Variants in CREB5 observed in about 807,000 individuals in gnomAD.
CREB5 encodes the protein cAMP responsive element binding protein 5, also known as cyclic AMP-responsive element-binding protein 5.
Under a neutral mutation model 57.1 loss-of-function variants are expected in CREB5, and 19 were observed. The observed-to-expected ratio is 0.33, with a 90% CI of 0.23 to 0.49. The LOEUF (loss-of-function observed/expected upper bound fraction) is 0.49. Ranked by LOEUF, CREB5 falls within the 20% of genes least tolerant of loss-of-function variation. The probability of loss-of-function intolerance (pLI) is 0.99; values close to 1 mark genes in which losing one functional copy is unlikely to be tolerated. For missense variants in CREB5, 579 were observed against 671.6 expected (o/e 0.86, Z 1.52); for synonymous variants, 238 against 238.3 (o/e 1.00, Z 0.01).
intron 7 of CREB5, among the ~76,000 whole-genome samples, chr7:28,732,524 G>A (rs1803706243): frequency 6.6e-6 from 1 of 151,894 alleles, no homozygotes; most frequent in Non-Finnish European, 1.5e-5. Context: ...AACATTGTGC[G>A]AATAAGTTCA....
chr7:28,573,349 C>G (rs1279906751), intron 5 of CREB5, among the ~76,000 whole-genome samples: 7 of 152,140 alleles, frequency 4.6e-5, no homozygotes, highest in Non-Finnish European at 1.0e-4. Flanking sequence ...ATTTAAGTGT[C>G]AAAATCTGGC....
intron 5 of CREB5, among the ~76,000 whole-genome samples, chr7:28,616,802 A>G (rs1270895105): frequency 2.6e-5 from 4 of 152,252 alleles, no homozygotes; most frequent in Non-Finnish European, 5.9e-5. Context: ...AAACAAGTCC[A>G]TGTTAGGAAA....
chr7:28,680,778 A>G (rs1228545738), intron 5 of CREB5, among the ~76,000 whole-genome samples: 1 of 151,714 alleles, frequency 6.6e-6, no homozygotes. Context: ...CAAAAAAAAA[A>G]AAAAAAAATT....
chr7:28,768,642 G>C (rs1352163954), intron 7 of CREB5, among the ~76,000 whole-genome samples: 1 of 152,166 alleles, frequency 6.6e-6, no homozygotes, highest in African/African-American at 2.4e-5. Flanking sequence ...GAGGGAAGAA[G>C]AATTCTTGCA....
At chr7:28,700,740 G>C (rs1257423151) in intron 5 of CREB5, among the ~76,000 whole-genome samples, 1 of 151,978 alleles carries the variant, frequency 6.6e-6, no homozygotes, top group Non-Finnish European at 1.5e-5. Context: ...TATCTTGATG[G>C]CCTTATTTAT....
intron 5 of CREB5, among the ~76,000 whole-genome samples, chr7:28,698,131 G>A (rs1801666195): frequency 6.6e-6 from 1 of 152,080 alleles, no homozygotes. Context: ...AAAGTGCTTG[G>A]CAAGATGGAT....
Position 28,791,195 on chromosome 7 carries a change from A to C in CREB5, c.703-13004A>C, listed in dbSNP as rs536781676. Among the ~76,000 whole-genome samples, 5 of 152,338 alleles carry C rather than the reference A, an allele frequency of 3.3e-5. No homozygotes were observed. The South Asian group carries it at 1.0e-3, about 32-fold the overall frequency. ...GAATTGAGCTTCTTTTGAGTTTGGA[A>C]TACTTTGACTCAATCTTGTATTCAC... On this transcript the variant is annotated intron_variant, in intron 7 of 10. Coordinates refer to ENST00000357727, the MANE Select transcript of CREB5 (RefSeq NM_182898.4).
chr7:28,541,016 C>T (rs527407201), intron 4 of CREB5, among the ~76,000 whole-genome samples: 4 of 152,270 alleles, frequency 2.6e-5, no homozygotes, highest in South Asian at 2.1e-4. Flanking sequence ...CAACATCAGA[C>T]GTATTTCCAA....
At chr7:28,544,348 G>A (rs904274603) in intron 4 of CREB5, among the ~76,000 whole-genome samples, 1 of 152,126 alleles carries the variant, frequency 6.6e-6, no homozygotes. Flanking sequence ...ATGAATTGCC[G>A]AATTTGGAAG....
chr7:28,607,902 C>T (rs1481462039), intron 5 of CREB5, among the ~76,000 whole-genome samples: 1 of 151,912 alleles, frequency 6.6e-6, no homozygotes, highest in East Asian at 1.9e-4. Flanking sequence ...TTCTCTTCCT[C>T]CCTCTGGCTT....
intron 5 of CREB5, among the ~76,000 whole-genome samples, chr7:28,635,872 A>G (rs560337685): frequency 7.2e-4 from 110 of 152,352 alleles, no homozygotes; most frequent in African/African-American, 2.5e-3. Context: ...CTGACAATTC[A>G]GAATTGCTCC....
At chr7:28,609,068 G>A (rs1462953301) in intron 5 of CREB5, 1 of 152,206 alleles carries the variant, frequency 6.6e-6, no homozygotes, top group Non-Finnish European at 1.5e-5. Context: ...GATGACAGAA[G>A]TACAGCTTTA....
Position 28,528,492 on chromosome 7 carries a change from G to A in CREB5, c.291+20755G>A, listed in dbSNP as rs1793547656. 2.0e-5 allele frequency among the ~76,000 whole-genome samples: 3 copies of A among 152,092 alleles called. No individual in the cohort carries two copies. In the South Asian group the frequency reaches 6.2e-4, roughly 32 times the overall value. ...GGCTGAGGCGGGAGGATCAGCTGAG[G>A]TTGGGAGTTGGAGACCAGCCTGACC... On this transcript the variant is annotated intron_variant, in intron 4 of 10. Transcript: ENST00000357727.
intron 5 of CREB5, among the ~76,000 whole-genome samples, chr7:28,606,041 T>C (rs1020457385): frequency 6.6e-6 from 1 of 152,216 alleles, no homozygotes; most frequent in African/African-American, 2.4e-5. Flanking sequence ...ATAAAGTTGA[T>C]TTTTTAAAAA....
intron 3 of CREB5, among the ~76,000 whole-genome samples, chr7:28,496,636 C>G (rs574718415): frequency 8.5e-5 from 13 of 152,134 alleles, no homozygotes; most frequent in African/African-American, 2.9e-4. Flanking sequence ...TTTATAGACA[C>G]GGTCAGATTC....
intron 5 of CREB5, among the ~76,000 whole-genome samples, chr7:28,573,810 T>C (rs978753112): frequency 3.3e-5 from 5 of 152,312 alleles, no homozygotes; most frequent in East Asian, 3.9e-4. Context: ...GAACAGGCAC[T>C]GAGCCAAACC....
Position 28,560,891 on chromosome 7 carries a change from T to TGCGCGCGCGC in CREB5, c.292-9473_292-9472insCGCGCGCGCG, listed in dbSNP as rs1314317818. On this transcript the variant is annotated intron_variant, in intron 4 of 10. Transcript: ENST00000357727. ...CTGCGTGCGCGTGCGTGCGTGCGTG[T>TGCGCGCGCGC]GTGTGCGTGCGCGCGTGCGTGTGCG... Among the ~76,000 whole-genome samples the TGCGCGCGCGC allele has an allele frequency of 9.6e-4, 19 of 19,724 alleles. 2 individuals are homozygous for TGCGCGCGCGC. The highest frequency in any genetic ancestry group is 1.0e-3 in the Non-Finnish European group (11 of 10,800). 12.9% of individuals were successfully genotyped at this position (19,724 alleles called of 152,430 possible). A position where few individuals can be genotyped will look rare whatever the true frequency, so the allele number is the denominator to read the frequency against.
intron 1 of CREB5, among the ~76,000 whole-genome samples, chr7:28,432,311 T>C (rs930147765): frequency 2.0e-5 from 3 of 152,076 alleles, no homozygotes; most frequent in Admixed American, 6.6e-5. Context: ...AAACACCCAG[T>C]GTAGGAGTCA....
chr7:28,735,627 C>G (rs1803931310), intron 7 of CREB5, among the ~76,000 whole-genome samples: 2 of 152,142 alleles, frequency 1.3e-5, no homozygotes, highest in South Asian at 2.1e-4. Context: ...CTCTGTTAAC[C>G]AGGTTGTAAC....
Sources: gnomAD v4.1 joint callset for allele counts (sites outside exome capture counted in the v4.1 genomes callset) on GRCh38, gnomAD v4.1.1 for gene constraint, MANE v1.5 for transcripts, NCBI Gene and HGNC (gene_info 2026-07-23, HGNC 2026-07-21) for gene names.